The following NDC80 variants were observed in gnomAD, a reference collection of about 807,000 sequenced individuals.
NDC80 encodes NDC80 kinetochore complex component.
NDC80 carries 69 observed loss-of-function variants against 89.3 expected under a neutral mutation model. The observed-to-expected ratio is 0.77, with a 90% CI of 0.64 to 0.94. The LOEUF (loss-of-function observed/expected upper bound fraction) is 0.94, where lower values mean the gene tolerates loss of function less well. Among genes scored for constraint, NDC80 ranks in the 40% least tolerant of loss-of-function variants. The pLI, the probability that NDC80 is intolerant of heterozygous loss-of-function variation, is 0.00. For missense variants in NDC80, 593 were observed against 739.6 expected, an observed-to-expected ratio of 0.80 and a Z score of 2.30; for synonymous variants, 243 against 255.6, an observed-to-expected ratio of 0.95 and a Z score of 0.47.
Position 2,572,961 on chromosome 18 carries a change from G to A in NDC80, c.-9-16G>A, listed in dbSNP as rs2072525480. The A allele has an allele frequency of 6.3e-7, 1 of 1,598,080 alleles. No homozygotes were observed. Among genetic ancestry groups the A allele is most frequent in the Admixed American group, 1.8e-5 (1 of 55,988 alleles). ...GTCTGGAAAGTTTTTTTTAAATACT[G>A]AATTCGTGAATGTAGGTCATAAGCA... On this transcript the variant is annotated splice_polypyrimidine_tract_variant and intron_variant, in intron 1 of 16. Transcript: ENST00000261597.
chr18:2,610,667 T>G, intron 15 of NDC80, 92 bp from the exon 16 acceptor site: 1 of 736,668 alleles, frequency 1.4e-6, no homozygotes, highest in Non-Finnish European at 2.1e-6. Context: ...ACAGTTTGGT[T>G]TTTTTGAATG....
At chr18:2,577,898 A>T (rs763087955) in intron 4 of NDC80, 29 bp downstream of exon 4, 1 of 1,611,352 alleles carries the variant, frequency 6.2e-7, no homozygotes, top group Admixed American at 1.7e-5. Context: ...CTAAACTGTG[A>T]TTGTTGTCAT....
chr18:2,605,960 T>C (rs2072709266), intron 13 of NDC80, among the ~76,000 whole-genome samples: 1 of 152,116 alleles, frequency 6.6e-6, no homozygotes, highest in Non-Finnish European at 1.5e-5. Flanking sequence ...TTTGAAGGAA[T>C]GCATGACTAT....
chr18:2,596,744 C>T (rs2072658654), intron 11 of NDC80, among the ~76,000 whole-genome samples: 1 of 152,046 alleles, frequency 6.6e-6, no homozygotes, highest in South Asian at 2.1e-4. Context: ...TATTGCGGCA[C>T]TATTCACAAT....
chr18:2,606,951 A>G (rs1268819819), intron 14 of NDC80, among the ~76,000 whole-genome samples: 1 of 152,100 alleles, frequency 6.6e-6, no homozygotes, highest in African/African-American at 2.4e-5. Context: ...TGCAATCTAG[A>G]AGGTGGGTAA....
chr18:2,605,088 AAGAATGCCC>A (rs1384359321), intron 13 of NDC80, among the ~76,000 whole-genome samples: 1 of 152,190 alleles, frequency 6.6e-6, no homozygotes, highest in Non-Finnish European at 1.5e-5. Flanking sequence ...GAAAGAAATC[AAGAATGCCC>A]AGGTGTCTTA....
rs755381422 is a variant in NDC80 at position 2,610,745 on chromosome 18, T to G, written c.1689-14T>G. 2.0e-6 allele frequency: 3 copies of G among 1,534,416 alleles called. No individual in the cohort carries two copies. In the African/African-American group the frequency reaches 4.1e-5, roughly 21 times the overall value. On this transcript the variant is annotated splice_polypyrimidine_tract_variant and intron_variant, in intron 15 of 16. Coordinates refer to ENST00000261597, the MANE Select transcript of NDC80 (RefSeq NM_006101.3). ...TTTTCCTGGACAACTTAAACAAGAG[T>G]TTTTGTTCTACAGATACCAACTAGT...
chr18:2,605,270 A>ATG (rs1350615848), intron 13 of NDC80, among the ~76,000 whole-genome samples: 27 of 98,054 alleles, frequency 2.8e-4, no homozygotes, highest in African/African-American at 6.5e-4. Flanking sequence ...GGCGGGCTAT[A>ATG]TGTATGTGTG....
chr18:2,615,641 T>C (rs2072780524), intron 16 of NDC80, among the ~76,000 whole-genome samples: 1 of 152,218 alleles, frequency 6.6e-6, no homozygotes, highest in African/African-American at 2.4e-5. Flanking sequence ...TGGACATCTT[T>C]GGAAAGGCTA....
chr18:2,615,155 G>C (rs558091974), intron 16 of NDC80: 1 of 152,160 alleles, frequency 6.6e-6, no homozygotes, highest in East Asian at 1.9e-4. Context: ...CCTAGTTTGT[G>C]GCAATTTGTT....
At chr18:2,584,146 G>T (rs1396717321) in intron 6 of NDC80, among the ~76,000 whole-genome samples, 1 of 151,766 alleles carries the variant, frequency 6.6e-6, no homozygotes, top group Non-Finnish European at 1.5e-5. Flanking sequence ...AAATTAGCCA[G>T]GCATGGTGGC....
chr18:2,586,248 C>G (rs1045409563), intron 7 of NDC80, among the ~76,000 whole-genome samples: 1 of 152,136 alleles, frequency 6.6e-6, no homozygotes, highest in African/African-American at 2.4e-5. Flanking sequence ...GCATCATTGC[C>G]TTTTTCTTTT....
At chr18:2,572,605 T>C (rs966048221) in intron 1 of NDC80, among the ~76,000 whole-genome samples, 21 of 152,184 alleles carry the variant, frequency 1.4e-4, no homozygotes. Flanking sequence ...CCTATTGAAA[T>C]AGGCACAGCC....
At chr18:2,601,602 A>G in intron 13 of NDC80, 117 bp downstream of exon 13, 1 of 474,184 alleles carries the variant, frequency 2.1e-6, no homozygotes, top group Non-Finnish European at 3.7e-6. Flanking sequence ...AAAACTATGA[A>G]AAAATGAGAA....
chr18:2,578,279 T>A, intron 5 of NDC80, 138 bp downstream of exon 5: 1 of 800,450 alleles, frequency 1.2e-6, no homozygotes, highest in Non-Finnish European at 1.9e-6. Flanking sequence ...GTAGGATAAA[T>A]TGAAGAGAAA....
chr18:2,577,102 A>G (rs765788303), intron 3 of NDC80: 4 of 152,186 alleles, frequency 2.6e-5, no homozygotes, highest in Non-Finnish European at 5.9e-5. Context: ...ACAAAATCTA[A>G]TATTTGTGGA....
At chr18:2,593,013 G>GGTGTGTGTGTGTGTGTGT (rs56851912) in intron 10 of NDC80, among the ~76,000 whole-genome samples, 1 of 108,398 alleles carries the variant, frequency 9.2e-6, no homozygotes, top group Non-Finnish European at 1.7e-5. Flanking sequence ...AATAAACTCT[G>GGTGTGTGTGTGTGTGTGT]GTGTGTGTGT....
chr18:2,610,414 T>G (rs1465273729), intron 15 of NDC80, among the ~76,000 whole-genome samples: 1 of 152,242 alleles, frequency 6.6e-6, no homozygotes, highest in African/African-American at 2.4e-5. Context: ...TTTGAATTCC[T>G]ATAAGTAAGA....
At chr18:2,606,605 T>C (rs1298022912) in intron 14 of NDC80, 98 bp downstream of exon 14, 2 of 616,608 alleles carry the variant, frequency 3.2e-6, no homozygotes, top group East Asian at 6.1e-5. Context: ...ATCTTTAAGC[T>C]ATATATATCC....
Sources: gnomAD v4.1 joint callset for allele counts (sites outside exome capture counted in the v4.1 genomes callset) on GRCh38, gnomAD v4.1.1 for gene constraint, MANE v1.5 for transcripts, NCBI Gene and HGNC (gene_info 2026-07-23, HGNC 2026-07-21) for gene names.